Variants in EPB41L4A observed in about 807,000 individuals in gnomAD.
The protein encoded by EPB41L4A is band 4.1-like protein 4A.
Under a neutral mutation model 108.6 loss-of-function variants are expected in EPB41L4A, and 100 were observed. The observed-to-expected ratio is 0.92, with a 90% CI of 0.78 to 1.09. The LOEUF (loss-of-function observed/expected upper bound fraction) is 1.09. EPB41L4A is among the 50% of genes least tolerant of loss of function. The probability of loss-of-function intolerance (pLI) is 0.00; values close to 1 mark genes in which losing one functional copy is unlikely to be tolerated. For synonymous variants in EPB41L4A, 319 were observed against 289.0 expected, an observed-to-expected ratio of 1.10 and a Z score of -1.05; for missense variants, 1,030 against 842.7, an observed-to-expected ratio of 1.22 and a Z score of -2.75.
At chr5:112,341,741 G>A (rs1204098556) in intron 1 of EPB41L4A, among the ~76,000 whole-genome samples, 1 of 145,408 alleles carries the variant, frequency 6.9e-6, no homozygotes, top group African/African-American at 2.6e-5. Flanking sequence ...GCAAAACCCT[G>A]TCACTATTTA....
chr5:112,416,705 T>C (rs965449200), intron 1 of EPB41L4A, among the ~76,000 whole-genome samples: 1 of 152,204 alleles, frequency 6.6e-6, no homozygotes, highest in East Asian at 1.9e-4. Flanking sequence ...TTTTAAGTAA[T>C]TAATGCAACA....
At chr5:112,202,670 T>C (rs1250843538) in intron 15 of EPB41L4A, among the ~76,000 whole-genome samples, 1 of 152,156 alleles carries the variant, frequency 6.6e-6, no homozygotes, top group African/African-American at 2.4e-5. Context: ...GAAGGTAATA[T>C]AGACCCTTCT....
intron 1 of EPB41L4A, among the ~76,000 whole-genome samples, chr5:112,320,323 C>T (rs1412559201): frequency 6.6e-6 from 1 of 152,194 alleles, no homozygotes; most frequent in Non-Finnish European, 1.5e-5. Flanking sequence ...TTCCATCATA[C>T]AACATAATCC....
chr5:112,183,563 C>T (rs1761266886), intron 18 of EPB41L4A, among the ~76,000 whole-genome samples: 1 of 152,184 alleles, frequency 6.6e-6, no homozygotes, highest in Non-Finnish European at 1.5e-5. Flanking sequence ...CACGCAAATT[C>T]CAACACTGAG....
chr5:112,239,569 A>C (rs973871131), intron 11 of EPB41L4A, 91 bp downstream of exon 11: 2 of 764,314 alleles, frequency 2.6e-6, no homozygotes, highest in Admixed American at 3.9e-5. Flanking sequence ...AAAAGAAAAA[A>C]ATAAATAAAT....
chr5:112,270,017 T>C (rs1752149271), intron 4 of EPB41L4A, among the ~76,000 whole-genome samples: 1 of 152,208 alleles, frequency 6.6e-6, no homozygotes, highest in Non-Finnish European at 1.5e-5. Context: ...ATCTAATGTA[T>C]GTTGAAACGA....
chr5:112,394,063 T>C (rs1580820819), intron 1 of EPB41L4A, among the ~76,000 whole-genome samples: 1 of 152,278 alleles, frequency 6.6e-6, no homozygotes, highest in East Asian at 1.9e-4. Flanking sequence ...AAACTCTCAA[T>C]AAACTAGGTA....
intron 15 of EPB41L4A, among the ~76,000 whole-genome samples, chr5:112,203,565 CT>C (rs1226996449): frequency 2.6e-5 from 4 of 152,094 alleles, no homozygotes; most frequent in Admixed American, 2.6e-4. Flanking sequence ...CAGCTAAGAA[CT>C]TTTTAAATTA....
At chr5:112,259,838 G>T in intron 8 of EPB41L4A, 53 bp downstream of exon 8, 2 of 1,281,312 alleles carry the variant, frequency 1.6e-6, no homozygotes, top group Non-Finnish European at 2.3e-6. Flanking sequence ...TGACACAGGA[G>T]TCCCATAAGC....
intron 1 of EPB41L4A, among the ~76,000 whole-genome samples, chr5:112,367,066 A>T (rs151277635): frequency 4.9e-4 from 74 of 152,298 alleles, no homozygotes; most frequent in African/African-American, 1.7e-3. Context: ...GAGCACCAGA[A>T]ACAGGCAGAT....
chr5:112,375,312 C>G (rs966131942), intron 1 of EPB41L4A, among the ~76,000 whole-genome samples: 4 of 143,054 alleles, frequency 2.8e-5, no homozygotes, highest in African/African-American at 1.2e-4. Flanking sequence ...AGGTCAGTCT[C>G]TCTCTCTCTC....
intron 1 of EPB41L4A, among the ~76,000 whole-genome samples, chr5:112,364,793 T>C (rs939012301): frequency 5.3e-5 from 8 of 152,346 alleles, no homozygotes; most frequent in Middle Eastern, 6.8e-3. Flanking sequence ...AGTTCATAAT[T>C]TGAATCTCTA....
chr5:112,357,367 C>A (rs1044548444), intron 1 of EPB41L4A, among the ~76,000 whole-genome samples: 1 of 152,104 alleles, frequency 6.6e-6, no homozygotes, highest in Non-Finnish European at 1.5e-5. Flanking sequence ...AATGTTCTAT[C>A]AAAAGGCAAT....
In EPB41L4A at chr5:112,194,649, A is replaced by T. The variant is rs1392816694; in HGVS notation, c.1425-4T>A. 1 of 1,595,826 alleles carries T rather than the reference A, an allele frequency of 6.3e-7. No homozygotes were observed. The highest frequency in any genetic ancestry group is 1.4e-5 in the African/African-American group (1 of 73,948). On this transcript the variant is annotated splice_polypyrimidine_tract_variant and splice_region_variant and intron_variant, in intron 16 of 22. Coordinates refer to ENST00000261486, the MANE Select transcript of EPB41L4A (RefSeq NM_022140.5). ...GGTGTTACAGCGTGAACGTGACCTGAAGACAAAAAGGTAAGAACAAAAGAA... is the reference window on the plus strand; with the variant it reads ...GGTGTTACAGCGTGAACGTGACCTGTAGACAAAAAGGTAAGAACAAAAGAA...
At chr5:112,366,177 T>C (rs913646701) in intron 1 of EPB41L4A, among the ~76,000 whole-genome samples, 3 of 152,100 alleles carry the variant, frequency 2.0e-5, no homozygotes, top group African/African-American at 4.8e-5. Flanking sequence ...ACAGAAACTG[T>C]AGTGACTACT....
At chr5:112,360,517 T>C (rs1758654223) in intron 1 of EPB41L4A, among the ~76,000 whole-genome samples, 1 of 152,104 alleles carries the variant, frequency 6.6e-6, no homozygotes, top group South Asian at 2.1e-4. Context: ...GCGAGTGATC[T>C]GCCAGCCTCG....
intron 1 of EPB41L4A, among the ~76,000 whole-genome samples, chr5:112,409,006 T>C (rs1008961509): frequency 9.9e-5 from 15 of 152,092 alleles, no homozygotes; most frequent in Admixed American, 2.6e-4. Flanking sequence ...AATGAGAACA[T>C]ACATCTATAC....
intron 22 of EPB41L4A, among the ~76,000 whole-genome samples, chr5:112,167,610 A>AGGTTC (rs1279580773): frequency 1.2e-4 from 19 of 152,126 alleles, no homozygotes; most frequent in African/African-American, 4.6e-4. Context: ...GAATGTGTAA[A>AGGTTC]AGTTCAACCC....
chr5:112,294,406 A>T (rs1753859995), intron 2 of EPB41L4A, among the ~76,000 whole-genome samples: 1 of 152,214 alleles, frequency 6.6e-6, no homozygotes, highest in Non-Finnish European at 1.5e-5. Context: ...TTGCAGTGAC[A>T]GAGGTGGTAA....
Sources: gnomAD v4.1 joint callset for allele counts (sites outside exome capture counted in the v4.1 genomes callset) on GRCh38, gnomAD v4.1.1 for gene constraint, MANE v1.5 for transcripts, NCBI Gene and HGNC (gene_info 2026-07-23, HGNC 2026-07-21) for gene names.